Variants in ALG10 observed in about 807,000 individuals in gnomAD.
ALG10 encodes the protein ALG10 alpha-1,2-glucosyltransferase, also known as dol-P-Glc:Glc(2)Man(9)GlcNAc(2)-PP-Dol alpha-1,2-glucosyltransferase A.
A neutral mutation model predicts 39.2 loss-of-function variants in ALG10; 25 were observed. The observed-to-expected ratio is 0.64, with a 90% confidence interval of 0.46 to 0.89. The LOEUF is 0.89. ALG10 is among the 40% of genes least tolerant of loss of function. The pLI, the probability that ALG10 is intolerant of heterozygous loss-of-function variation, is 0.00. For synonymous variants in ALG10, 184 were observed against 193.9 expected (o/e 0.95, Z 0.42); for missense variants, 486 against 546.6 (o/e 0.89, Z 1.11).
At chr12:34,024,886 T>A (rs1168368678) in intron 2 of ALG10, among the ~76,000 whole-genome samples, 1 of 152,088 alleles carries the variant, frequency 6.6e-6, no homozygotes, top group African/African-American at 2.4e-5. Flanking sequence ...ACTGCTTTTC[T>A]GGGAGGGAGG....
At position 34,024,023 on chromosome 12, in the gene ALG10, C is replaced by T; in HGVS notation, c.233C>T (p.Pro78Leu). ...LYLVSIGVIK[P>L]AIWIFGWSEH... is the part of the protein sequence containing the mutation. The stretch of plus-strand genomic sequence containing the variant: ...CTGGTGTCAATTGGAGTGATCAAAC[C>T]TGCCATTTGGATCTTTGGATGGTCT... Residue 78 changes from proline to leucine, a missense_variant, in exon 2 of 3, where the codon CCT becomes CTT. Pro to Leu is a moderately conservative substitution (Grantham distance 98). Transcript: ENST00000266483. 6.2e-7 allele frequency: 1 copy of T among 1,614,148 alleles called. No homozygotes were observed.
At position 34,025,881 on chromosome 12, in the gene ALG10, A is replaced by G; in HGVS notation, c.388A>G (p.Arg130Gly). 6.2e-7 allele frequency: 1 copy of G among 1,614,032 alleles called. No individual in the cohort carries two copies. Among genetic ancestry groups the G allele is most frequent in the Non-Finnish European group, 8.5e-7 (1 of 1,179,910 alleles). The change falls in exon 3 of 3, where the codon AGA becomes GGA. Residue 130 changes from arginine (R) to glycine (G), a missense_variant. Coordinates refer to ENST00000266483, the MANE Select transcript of ALG10 (RefSeq NM_032834.4). ...PRNKAASSIQ[R>G]VLSTLTLAVF... ...CTCCAAGGCTGCCTCAAGTATCCAG[A>G]GAGTCTTGTCAACATTAACACTAGC...
rs181218186 is a variant in ALG10 at position 34,024,256 on chromosome 12, A to T, written c.369+97A>T. On this transcript the variant is annotated intron_variant, in intron 2 of 2. Coordinates refer to ENST00000266483, the MANE Select transcript of ALG10 (RefSeq NM_032834.4). ...AGATTTGGTGAAAAATGTCTTTAAC[A>T]CTTTGTAACTTTGTATTTTTGTATA... 73 of 1,374,684 alleles carry T rather than the reference A, an allele frequency of 5.3e-5. No homozygotes were observed. In the East Asian group the frequency reaches 1.6e-3, roughly 30 times the overall value. 85.2% of individuals were successfully genotyped at this position (1,374,684 alleles called of 1,614,324 possible). A position where few individuals can be genotyped will look rare whatever the true frequency, so the allele number is the denominator to read the frequency against.
intron 1 of ALG10, 52 bp from the exon 2 acceptor site, chr12:34,023,910 T>C: frequency 6.2e-7 from 1 of 1,604,526 alleles, no homozygotes; most frequent in Middle Eastern, 1.7e-4. Flanking sequence ...TATTTGTGCC[T>C]GTCTTGTTCC....
At position 34,026,062 on chromosome 12, in the gene ALG10, T is replaced by A; in HGVS notation, c.569T>A (p.Ile190Asn). ...GGCTTCATGTTTCGGCAAACAAATATCATCTGGGCTGTCTTCTGTGCAGGA... is the reference window on the plus strand; with the variant it reads ...GGCTTCATGTTTCGGCAAACAAATAACATCTGGGCTGTCTTCTGTGCAGGA... ...FCGFMFRQTN[I>N]IWAVFCAGNV... is the part of the protein sequence containing the mutation. The change falls in exon 3 of 3, where the codon ATC becomes AAC. Residue 190 changes from isoleucine (I) to asparagine (N), a missense_variant. Transcript: ENST00000266483. The A allele has an allele frequency of 6.2e-7, 1 of 1,614,102 alleles. No homozygotes were observed. The highest frequency in any genetic ancestry group is 8.5e-7 in the Non-Finnish European group (1 of 1,179,972).
intron 1 of ALG10, chr12:34,023,145 T>G (rs1009668947): frequency 1.9e-5 from 4 of 207,180 alleles, no homozygotes; most frequent in African/African-American, 4.6e-5. Flanking sequence ...CACCTCACTG[T>G]GCATTTTAGG....
chr12:34,022,741 T>C lies in ALG10; in HGVS notation c.142T>C (p.Tyr48His), dbSNP rs760204020. Reference sequence around the variant, plus strand: ...CTTCCACCTGCCTCAGGCGCAGCGCTACTGTGAGGGCCATTTCTCCCTTTC... The same window carrying C: ...CTTCCACCTGCCTCAGGCGCAGCGCCACTGTGAGGGCCATTTCTCCCTTTC... ...EIFHLPQAQRYCEGHFSLSQW... is the reference protein window; with the variant it reads ...EIFHLPQAQRHCEGHFSLSQW... Residue 48 changes from tyrosine (Y) to histidine (H), a missense_variant, in exon 1 of 3, where the codon TAC (tyrosine) becomes CAC (histidine). By Grantham distance (83) the Tyr-to-His change is moderately conservative. Transcript: ENST00000266483. 5 of 1,614,150 alleles carry C rather than the reference T, an allele frequency of 3.1e-6. No individual in the cohort carries two copies. Among genetic ancestry groups the C allele is most frequent in the Non-Finnish European group, 2.5e-6 (3 of 1,180,022 alleles).
rs1272805950 is a variant in ALG10, at chr12:34,027,008, T to C, written c.*93T>C. 3.6e-6 allele frequency: 5 copies of C among 1,380,406 alleles called. No homozygotes were observed. The highest frequency in any genetic ancestry group is 5.0e-6 in the Non-Finnish European group (5 of 1,008,192). The allele number at this position is 1,380,406 out of a possible 1,614,324, so 85.5% of individuals were successfully genotyped here. On this transcript the variant is annotated 3_prime_UTR_variant, in exon 3 of 3. Coordinates refer to ENST00000266483, the MANE Select transcript of ALG10 (RefSeq NM_032834.4). Reference sequence around the variant, plus strand: ...ATAGGTGGAAAACATGGAATTTCTTTTAGGTGCAGTGGTGGTCTTCAAATT... The same window carrying C: ...ATAGGTGGAAAACATGGAATTTCTTCTAGGTGCAGTGGTGGTCTTCAAATT...
chr12:34,023,321 T>G (rs1027513735), intron 1 of ALG10: 1 of 168,562 alleles, frequency 5.9e-6, no homozygotes, highest in Non-Finnish European at 1.3e-5. Flanking sequence ...AGTATGTACA[T>G]ATAAATATCA....
intron 2 of ALG10, 42 bp from the exon 3 acceptor site, chr12:34,025,821 T>G: frequency 6.2e-7 from 1 of 1,610,952 alleles, no homozygotes. Flanking sequence ...TAGCATTTTT[T>G]GTCATGAAAA....
At chr12:34,024,970 T>C (rs553746633) in intron 2 of ALG10, among the ~76,000 whole-genome samples, 231 of 145,498 alleles carry the variant, frequency 1.6e-3, no homozygotes, top group African/African-American at 5.7e-3. Context: ...CGGATAGGGC[T>C]GTGTAGGGTG....
rs1942842632 is a variant in ALG10 at position 34,027,126 on chromosome 12, A to T, written c.*211A>T. 3 of 456,290 alleles carry T rather than the reference A, an allele frequency of 6.6e-6. No homozygotes were observed. The highest frequency in any genetic ancestry group is 2.0e-5 in the African/African-American group (1 of 49,244). 28.3% of individuals were successfully genotyped at this position (456,290 alleles called of 1,614,324 possible). On this transcript the variant is annotated 3_prime_UTR_variant, in exon 3 of 3. Transcript: ENST00000266483. ...TTAAGACCTGCTTCAAAAGCCTGAA[A>T]AATGGAAAAATAAAATTGTTTTCAG...
At chr12:34,022,390 C>G (rs1942785190), upstream of ALG10, 1 of 673,996 alleles carries the variant, frequency 1.5e-6, no homozygotes, top group Non-Finnish European at 2.4e-6. Context: ...GGGTAATCAT[C>G]CGGTCCGTTA....
rs746341025 is a variant in ALG10 at position 34,025,976 on chromosome 12, T to C, written c.483T>C (p.Leu161=). ...AAGCAGGATCTATGTTTTTTACTCT[T>C]TTTGCGTATTTGATGTGTCTTTATG... The part of the protein sequence containing the change: ...YTEAGSMFFT[L]FAYLMCLYGN... Residue 161 remains leucine (L), a synonymous_variant, in exon 3 of 3, where the codon CTT becomes CTC. Coordinates refer to ENST00000266483, the MANE Select transcript of ALG10 (RefSeq NM_032834.4). 2.4e-5 allele frequency: 38 copies of C among 1,613,964 alleles called. 2 individuals carry two copies. The South Asian group carries it at 4.0e-4, about 17-fold the overall frequency.
At position 34,028,289 on chromosome 12, in the gene ALG10, T is replaced by C. The variant is rs1942857959; in HGVS notation, c.*1374T>C. On this transcript the variant is annotated 3_prime_UTR_variant, in exon 3 of 3. Coordinates refer to ENST00000266483, the MANE Select transcript of ALG10 (RefSeq NM_032834.4). ...TGTGGGATTAAATAAAGCTAATCTA[T>C]CCATCACCTCAAATATTTGACATAT... 3 of 152,206 alleles carry C rather than the reference T, an allele frequency of 2.0e-5. No individual in the cohort carries two copies. The South Asian group carries it at 6.2e-4, about 32-fold the overall frequency. The allele number at this position is 152,206 out of a possible 1,614,324, so 9.4% of individuals were successfully genotyped here.
chr12:34,024,034 A>T lies in ALG10; in HGVS notation c.244A>T (p.Ile82Phe). 6.2e-7 allele frequency: 1 copy of T among 1,614,022 alleles called. No homozygotes were observed. Among genetic ancestry groups the T allele is most frequent in the South Asian group, 1.1e-5 (1 of 91,082 alleles). Residue 82 changes from isoleucine to phenylalanine, a missense_variant, in exon 2 of 3, where the codon ATC (isoleucine) becomes TTC (phenylalanine). By Grantham distance (21) the Ile-to-Phe change is conservative. Coordinates refer to ENST00000266483, the MANE Select transcript of ALG10 (RefSeq NM_032834.4). ...SIGVIKPAIW[I>F]FGWSEHVVCS... is the part of the protein sequence containing the mutation. Reference sequence around the variant, plus strand: ...TGGAGTGATCAAACCTGCCATTTGGATCTTTGGATGGTCTGAACATGTTGT... The same window carrying T: ...TGGAGTGATCAAACCTGCCATTTGGTTCTTTGGATGGTCTGAACATGTTGT...
chr12:34,026,178 G>C lies in ALG10; in HGVS notation c.685G>C (p.Glu229Gln), dbSNP rs772430829. The C allele has an allele frequency of 6.2e-7, 1 of 1,614,028 alleles. No homozygotes were observed. The highest frequency in any genetic ancestry group is 8.5e-7 in the Non-Finnish European group (1 of 1,179,936). The change falls in exon 3 of 3, where the codon GAA (glutamate) becomes CAA (glutamine). Residue 229 changes from glutamate to glutamine, a missense_variant. Glu to Gln is a conservative substitution (Grantham distance 29). Transcript: ENST00000266483. ...RLPPIKGPFA[E>Q]FRKILQFLLA... ...TCCACCTATTAAAGGACCATTTGCA[G>C]AATTCAGAAAAATTCTTCAGTTTCT...
chr12:34,026,203 T>A lies in ALG10; in HGVS notation c.710T>A (p.Leu237His), dbSNP rs1440879014. Residue 237 changes from leucine (L) to histidine (H), a missense_variant, in exon 3 of 3, where the codon CTT (leucine) becomes CAT (histidine). Physicochemically the swap from Leu to His is moderately conservative, Grantham distance 99 (BLOSUM62 -3). Transcript: ENST00000266483. ...GAATTCAGAAAAATTCTTCAGTTTC[T>A]TTTGGCTTATTCCATGTCCTTTAAA... ...FAEFRKILQFLLAYSMSFKNL... is the reference protein window; with the variant it reads ...FAEFRKILQFHLAYSMSFKNL... The A allele has an allele frequency of 6.8e-6, 11 of 1,614,024 alleles. No homozygotes were observed. The highest frequency in any genetic ancestry group is 8.5e-6 in the Non-Finnish European group (10 of 1,179,982).
rs758450424 is a variant in ALG10 at position 34,022,585 on chromosome 12, G to A, written c.-15G>A. On this transcript the variant is annotated 5_prime_UTR_variant, in exon 1 of 3. Coordinates refer to ENST00000266483, the MANE Select transcript of ALG10 (RefSeq NM_032834.4). ...TCCAGGAGTAGGTTCTTGGGCAGTG[G>A]CTGTGGGAGCTGGAATGGCGCAGCT... The A allele has an allele frequency of 4.3e-6, 7 of 1,613,954 alleles. No individual in the cohort carries two copies. The highest frequency in any genetic ancestry group is 5.1e-6 in the Non-Finnish European group (6 of 1,179,966).
Sources: allele counts gnomAD v4.1 joint callset (sites outside exome capture counted in the v4.1 genomes callset), GRCh38; gene constraint gnomAD v4.1.1; transcripts MANE v1.5; gene names NCBI Gene and HGNC (gene_info 2026-07-23, HGNC 2026-07-21).